The following MYO9A variants were observed in gnomAD, a reference collection of about 807,000 sequenced individuals.
MYO9A encodes the protein myosin IXA.
In MYO9A, 103 loss-of-function variants were observed where a neutral mutation model predicts 293.3. The observed-to-expected ratio is 0.35, with a 90% CI of 0.30 to 0.41. MYO9A has a LOEUF of 0.41. Ranked by LOEUF, MYO9A falls within the 10% of genes least tolerant of loss-of-function variation. The probability of loss-of-function intolerance (pLI) is 1.00; values close to 1 mark genes in which losing one functional copy is unlikely to be tolerated. For missense variants in MYO9A, 2,685 were observed against 3,033.0 expected (o/e 0.89, Z 2.69); for synonymous variants, 1,001 against 1,035.7 (o/e 0.97, Z 0.64).
intron 14 of MYO9A, chr15:71,958,864 C>G (rs918699059): frequency 3.9e-5 from 6 of 152,122 alleles, no homozygotes; most frequent in Admixed American, 3.9e-4. Context: ...CTAGCTTTCA[C>G]AAATAATAGA....
intron 2 of MYO9A, among the ~76,000 whole-genome samples, chr15:72,035,259 C>T (rs191723264): frequency 1.3e-5 from 2 of 152,242 alleles, no homozygotes; most frequent in East Asian, 1.9e-4. Context: ...TATGACCCAG[C>T]GATACCCCTC....
chr15:71,992,794 TA>T (rs1487722087), intron 10 of MYO9A, among the ~76,000 whole-genome samples: 1 of 151,380 alleles, frequency 6.6e-6, no homozygotes, highest in South Asian at 2.1e-4. Context: ...AGTCTAAACA[TA>T]AAAAAATTAT....
chr15:71,919,167 G>A (rs909390019), intron 18 of MYO9A, among the ~76,000 whole-genome samples: 2 of 152,134 alleles, frequency 1.3e-5, no homozygotes, highest in African/African-American at 2.4e-5. Context: ...CTCCTGCAGT[G>A]CCACGCACTG....
At chr15:72,112,808 T>C (rs2080828656) in intron 1 of MYO9A, among the ~76,000 whole-genome samples, 1 of 152,226 alleles carries the variant, frequency 6.6e-6, no homozygotes, top group African/African-American at 2.4e-5. Context: ...ATGAGGCAGC[T>C]TGTAGAGTTC....
chr15:72,028,215 A>C, intron 3 of MYO9A, among the ~76,000 whole-genome samples: 1 of 35,604 alleles, frequency 2.8e-5, no homozygotes, highest in East Asian at 1.2e-3. Context: ...AAATAAATAA[A>C]TAAATATATA....
At chr15:72,080,730 AT>A (rs917905854) in intron 1 of MYO9A, among the ~76,000 whole-genome samples, 3 of 151,954 alleles carry the variant, frequency 2.0e-5, no homozygotes, top group Non-Finnish European at 4.4e-5. Flanking sequence ...CCTAGTACCC[AT>A]TGGTTATTTT....
At chr15:72,103,168 C>T (rs1164758875) in intron 1 of MYO9A, among the ~76,000 whole-genome samples, 4 of 149,104 alleles carry the variant, frequency 2.7e-5, no homozygotes, top group African/African-American at 9.9e-5. Flanking sequence ...TGCACTCCAG[C>T]CTGGGTGGCA....
intron 7 of MYO9A, 83 bp downstream of exon 7, chr15:72,010,267 T>C: frequency 8.6e-7 from 1 of 1,156,380 alleles, no homozygotes; most frequent in African/African-American, 1.5e-5. Context: ...GAAAACTATT[T>C]AAAAAGGTCA....
intron 12 of MYO9A, among the ~76,000 whole-genome samples, chr15:71,974,217 G>GA (rs373984278): frequency 0.015 from 2,293 of 151,216 alleles, 54 homozygotes; most frequent in African/African-American, 0.052. Context: ...CAACAAAGAG[G>GA]AAAAAAAAAT....
chr15:72,041,266 C>G (rs2149590963), intron 2 of MYO9A: 2 of 1,180,156 alleles, frequency 1.7e-6, no homozygotes, highest in Middle Eastern at 2.5e-4. Flanking sequence ...TCTTCACCTG[C>G]GTTGTATTTT....
intron 34 of MYO9A, among the ~76,000 whole-genome samples, chr15:71,855,136 T>A (rs762745679): frequency 6.6e-6 from 1 of 152,182 alleles, no homozygotes; most frequent in Admixed American, 6.5e-5. Flanking sequence ...ATTCATGCAT[T>A]CATTCATTCA....
Position 72,118,112 on chromosome 15 carries a change from C to A in MYO9A, c.-504G>T. ...CGACCCCGCGCACGCGGCCCCGCCCCGCGCGACTCCCCGGCTGCAGGCGAG... is the reference window on the plus strand; with the variant it reads ...CGACCCCGCGCACGCGGCCCCGCCCAGCGCGACTCCCCGGCTGCAGGCGAG... On this transcript the variant is annotated 5_prime_UTR_variant, in exon 1 of 42. Coordinates refer to ENST00000356056, the MANE Select transcript of MYO9A (RefSeq NM_006901.4). 5.2e-6 allele frequency: 2 copies of A among 388,232 alleles called. No individual in the cohort carries two copies. Among genetic ancestry groups the A allele is most frequent in the Non-Finnish European group, 9.1e-6 (2 of 219,648 alleles). The allele number at this position is 388,232 out of a possible 1,614,324, so 24.0% of individuals were successfully genotyped here. A position where few individuals can be genotyped will look rare whatever the true frequency, so the allele number is the denominator to read the frequency against.
intron 39 of MYO9A, among the ~76,000 whole-genome samples, chr15:71,839,957 T>C (rs1194883504): frequency 6.6e-6 from 1 of 152,204 alleles, no homozygotes; most frequent in Non-Finnish European, 1.5e-5. Flanking sequence ...AACTCTTTCC[T>C]TGTCTGTGTA....
chr15:72,044,435 T>C (rs1489458392), intron 2 of MYO9A, among the ~76,000 whole-genome samples: 1 of 151,758 alleles, frequency 6.6e-6, no homozygotes, highest in Non-Finnish European at 1.5e-5. Flanking sequence ...TTCAAGTATA[T>C]AATGTATTGT....
rs561601635 is a variant in MYO9A, at chr15:72,117,214, T to C, written c.-72+466A>G. 2.0e-5 allele frequency: 3 copies of C among 152,148 alleles called. No homozygotes were observed. The South Asian group carries it at 6.2e-4, about 32-fold the overall frequency. 9.4% of individuals were successfully genotyped at this position (152,148 alleles called of 1,614,324 possible). On this transcript the variant is annotated intron_variant, in intron 1 of 41. Coordinates refer to ENST00000356056, the MANE Select transcript of MYO9A (RefSeq NM_006901.4). The stretch of plus-strand genomic sequence containing the variant: ...TATCTGAAAGCCGTGATGGCTAGGG[T>C]TAGTGCTAGTCGGCTTGGTGATGAG...
chr15:71,977,456 C>A (rs935312878), intron 12 of MYO9A, among the ~76,000 whole-genome samples: 3 of 152,068 alleles, frequency 2.0e-5, no homozygotes, highest in Non-Finnish European at 4.4e-5. Flanking sequence ...AGGCTGGTCT[C>A]GAACTCCTGG....
chr15:72,110,356 A>C (rs2080734489), intron 1 of MYO9A, among the ~76,000 whole-genome samples: 1 of 150,918 alleles, frequency 6.6e-6, no homozygotes, highest in South Asian at 2.1e-4. Flanking sequence ...GAATCACTTG[A>C]ACCCGGAAGC....
chr15:71,929,634 C>A (rs1337165047), intron 18 of MYO9A, among the ~76,000 whole-genome samples: 1 of 152,132 alleles, frequency 6.6e-6, no homozygotes, highest in Non-Finnish European at 1.5e-5. Context: ...CAAGAATAAA[C>A]CCCAACTGAT....
chr15:71,835,532 C>A (rs953246695), intron 39 of MYO9A, among the ~76,000 whole-genome samples: 19 of 152,140 alleles, frequency 1.2e-4, no homozygotes, highest in Admixed American at 1.2e-3. Context: ...CCTATGATTG[C>A]ATTTAAATAT....
Sources: gnomAD v4.1 joint callset for allele counts (sites outside exome capture counted in the v4.1 genomes callset) on GRCh38, gnomAD v4.1.1 for gene constraint, MANE v1.5 for transcripts, NCBI Gene and HGNC (gene_info 2026-07-23, HGNC 2026-07-21) for gene names.